The following ADAMTS16 variants were observed in gnomAD, a reference collection of about 807,000 sequenced individuals.
ADAMTS16 encodes the protein ADAM metallopeptidase with thrombospondin type 1 motif 16, also known as A disintegrin and metalloproteinase with thrombospondin motifs 16.
ADAMTS16 carries 94 observed loss-of-function variants against 145.8 expected under a neutral mutation model. The observed-to-expected ratio is 0.64, with a 90% CI of 0.55 to 0.77. The LOEUF (loss-of-function observed/expected upper bound fraction) is 0.77, where lower values mean the gene tolerates loss of function less well. Among genes scored for constraint, ADAMTS16 ranks in the 30% least tolerant of loss-of-function variants. The pLI, the probability that ADAMTS16 is intolerant of heterozygous loss-of-function variation, is 0.00. For missense variants in ADAMTS16, 1,585 were observed against 1,591.5 expected, an observed-to-expected ratio of 1.00 and a Z score of 0.07; for synonymous variants, 659 against 604.3, an observed-to-expected ratio of 1.09 and a Z score of -1.33.
At chr5:5,173,157 G>A (rs1418506202) in intron 3 of ADAMTS16, among the ~76,000 whole-genome samples, 2 of 149,016 alleles carry the variant, frequency 1.3e-5, no homozygotes, top group Admixed American at 1.3e-4. Context: ...ATTACTTGTA[G>A]GCAACAGATC....
chr5:5,190,301 G>A (rs1199064172), intron 7 of ADAMTS16, among the ~76,000 whole-genome samples, 171 bp downstream of exon 7: 1 of 152,138 alleles, frequency 6.6e-6, no homozygotes, highest in Non-Finnish European at 1.5e-5. Context: ...ATAGAAGTAC[G>A]CTTGCATTCA....
At chr5:5,215,878 A>G (rs903359417) in intron 10 of ADAMTS16, among the ~76,000 whole-genome samples, 21,873 of 69,028 alleles carry the variant, frequency 0.32, 2,744 homozygotes, top group East Asian at 0.52. Flanking sequence ...GTGTATATAT[A>G]TATATATATA....
Position 5,187,819 on chromosome 5 carries a change from T to A in ADAMTS16, c.1047+11T>A, listed in dbSNP as rs1579297715. The A allele has an allele frequency of 6.6e-7, 1 of 1,516,040 alleles. No individual in the cohort carries two copies. The highest frequency in any genetic ancestry group is 1.4e-5 in the African/African-American group (1 of 72,908). The allele number at this position is 1,516,040 out of a possible 1,614,324, so 93.9% of individuals were successfully genotyped here. On this transcript the variant is annotated intron_variant, in intron 6 of 22. Transcript: ENST00000274181. The stretch of plus-strand genomic sequence containing the variant: ...CTAGAAGATGAACAGGTAGTTTATC[T>A]TTGAAACTATCTACTCTTTTTATTC...
intron 18 of ADAMTS16, among the ~76,000 whole-genome samples, chr5:5,272,293 C>T (rs1317276700): frequency 2.0e-5 from 3 of 151,782 alleles, no homozygotes; most frequent in African/African-American, 4.8e-5. Context: ...GCCTCCAGTG[C>T]TCCCTGCTCA....
At chr5:5,311,524 C>G (rs1190074560) in intron 21 of ADAMTS16, among the ~76,000 whole-genome samples, 1 of 148,154 alleles carries the variant, frequency 6.7e-6, no homozygotes, top group South Asian at 2.2e-4. Context: ...TGTGAGACGG[C>G]GTTGCTGTGT....
intron 13 of ADAMTS16, among the ~76,000 whole-genome samples, chr5:5,236,340 G>T (rs1254091948): frequency 6.6e-6 from 1 of 150,442 alleles, no homozygotes; most frequent in Non-Finnish European, 1.5e-5. Context: ...GGGGCAAAAT[G>T]GTTTGAAAAA....
chr5:5,219,635 G>T (rs976126283), intron 10 of ADAMTS16, among the ~76,000 whole-genome samples: 1 of 152,186 alleles, frequency 6.6e-6, no homozygotes, highest in African/African-American at 2.4e-5. Flanking sequence ...AATACCGTGG[G>T]TTATATGATC....
intron 10 of ADAMTS16, among the ~76,000 whole-genome samples, chr5:5,217,438 G>A (rs1227462862): frequency 6.6e-6 from 1 of 152,206 alleles, no homozygotes; most frequent in Non-Finnish European, 1.5e-5. Context: ...CTAAGCCAGT[G>A]TCTAGAAGGG....
intron 10 of ADAMTS16, among the ~76,000 whole-genome samples, chr5:5,221,061 C>T (rs765351029): frequency 6.6e-6 from 1 of 152,072 alleles, no homozygotes; most frequent in Admixed American, 6.6e-5. Context: ...CCTAGTCTCC[C>T]GTTCTGACCT....
chr5:5,270,401 G>A (rs536196917), intron 18 of ADAMTS16, among the ~76,000 whole-genome samples: 2 of 152,114 alleles, frequency 1.3e-5, no homozygotes, highest in Admixed American at 6.5e-5. Flanking sequence ...CCCTGGGCTC[G>A]ACCCTGCCTT....
At chr5:5,282,160 C>T (rs948255833) in intron 18 of ADAMTS16, among the ~76,000 whole-genome samples, 2 of 152,082 alleles carry the variant, frequency 1.3e-5, no homozygotes, top group African/African-American at 2.4e-5. Context: ...TGATCATGGC[C>T]GTTCATTGTA....
At chr5:5,252,072 A>C (rs1374046021) in intron 17 of ADAMTS16, among the ~76,000 whole-genome samples, 1 of 152,052 alleles carries the variant, frequency 6.6e-6, no homozygotes, top group Non-Finnish European at 1.5e-5. Flanking sequence ...GATGGTCTTG[A>C]TCTCCTGACT....
intron 18 of ADAMTS16, among the ~76,000 whole-genome samples, chr5:5,299,634 C>T (rs956378476): frequency 2.0e-5 from 3 of 152,006 alleles, no homozygotes; most frequent in Admixed American, 6.6e-5. Flanking sequence ...GACCGTTGAG[C>T]GAAGGCTGTA....
intron 10 of ADAMTS16, among the ~76,000 whole-genome samples, chr5:5,214,203 T>C (rs1736362447): frequency 2.6e-5 from 4 of 152,338 alleles, no homozygotes; most frequent in Admixed American, 2.6e-4. Context: ...GTATATAACT[T>C]CATAGTTTTG....
In ADAMTS16 at chr5:5,222,677, C is replaced by T. The variant is rs146286187; in HGVS notation, c.1606-112C>T. On this transcript the variant is annotated intron_variant, in intron 10 of 22. Transcript: ENST00000274181. The stretch of plus-strand genomic sequence containing the variant: ...GCTATCATATTGCTAAGTAGGCATT[C>T]GCTTGTAAATTATATCTGTTGTTTT... 5,541 of 842,814 alleles carry T rather than the reference C, an allele frequency of 6.6e-3. 314 individuals carry two copies. In the Admixed American group the frequency reaches 0.1, roughly 16 times the overall value. The allele number at this position is 842,814 out of a possible 1,614,324, so 52.2% of individuals were successfully genotyped here.
chr5:5,204,948 A>G (rs2126597981), intron 9 of ADAMTS16, among the ~76,000 whole-genome samples: 1 of 152,300 alleles, frequency 6.6e-6, no homozygotes, highest in African/African-American at 2.4e-5. Flanking sequence ...TTTTCATTTT[A>G]GGTATCTGGT....
At chr5:5,202,295 A>G (rs568806279) in intron 9 of ADAMTS16, among the ~76,000 whole-genome samples, 3 of 152,348 alleles carry the variant, frequency 2.0e-5, no homozygotes, top group Non-Finnish European at 2.9e-5. Context: ...GCCACCCAGC[A>G]TAAGTGGCAA....
intron 9 of ADAMTS16, among the ~76,000 whole-genome samples, chr5:5,201,051 A>G (rs1735939496): frequency 6.6e-6 from 1 of 152,198 alleles, no homozygotes; most frequent in Non-Finnish European, 1.5e-5. Context: ...TTCTGACATT[A>G]CAGTCCAGTG....
At chr5:5,238,085 A>C (rs897289141) in intron 14 of ADAMTS16, among the ~76,000 whole-genome samples, 1 of 152,202 alleles carries the variant, frequency 6.6e-6, no homozygotes, top group African/African-American at 2.4e-5. Flanking sequence ...TTTTGAATAC[A>C]TGAGGGTTAG....
Sources: gnomAD v4.1 joint callset for allele counts (sites outside exome capture counted in the v4.1 genomes callset) on GRCh38, gnomAD v4.1.1 for gene constraint, MANE v1.5 for transcripts, NCBI Gene and HGNC (gene_info 2026-07-23, HGNC 2026-07-21) for gene names.